The following CDH13 variants were observed in gnomAD, a reference collection of about 807,000 sequenced individuals.
The protein encoded by CDH13 is cadherin 13, also known as cadherin-13.
A neutral mutation model predicts 63.8 loss-of-function variants in CDH13; 24 were observed. That is an observed-to-expected ratio of 0.38 (90% CI 0.27 to 0.53). The LOEUF (loss-of-function observed/expected upper bound fraction) is 0.53. Ranked by LOEUF, CDH13 falls within the 20% of genes least tolerant of loss-of-function variation. CDH13 has a pLI of 0.85. For missense variants in CDH13, 1,049 were observed against 903.1 expected (o/e 1.16, Z -2.07); for synonymous variants, 503 against 355.3 (o/e 1.42, Z -4.67).
chr16:83,031,800 C>T lies in CDH13; in HGVS notation c.158-210C>T, dbSNP rs145170548. Among the ~76,000 whole-genome samples, 22 of 152,218 alleles carry T rather than the reference C, an allele frequency of 1.4e-4. No homozygotes were observed. The East Asian group carries it at 3.3e-3, about 23-fold the overall frequency. ...GAGCTTAGCACCTGCCTGGAACATG[C>T]GAGTTCGTCAAGGACATGTCTTGAT... On this transcript the variant is annotated intron_variant, in intron 2 of 13. Transcript: ENST00000567109.
chr16:82,788,323 C>T (rs1597583386), intron 1 of CDH13, among the ~76,000 whole-genome samples: 1 of 152,194 alleles, frequency 6.6e-6, no homozygotes, highest in Non-Finnish European at 1.5e-5. Context: ...ATTACATCTG[C>T]CTGTACCTCC....
At chr16:83,073,957 A>G (rs78873533) in intron 3 of CDH13, among the ~76,000 whole-genome samples, 2,980 of 152,262 alleles carry the variant, frequency 0.02, 102 homozygotes, top group African/African-American at 0.068. Flanking sequence ...TAGAATATCC[A>G]TCATCACAAT....
chr16:83,410,241 A>G (rs905749061), intron 6 of CDH13, among the ~76,000 whole-genome samples: 3 of 152,212 alleles, frequency 2.0e-5, no homozygotes, highest in East Asian at 1.9e-4. Flanking sequence ...ACAAGGTTCA[A>G]TGCTACCCAA....
At chr16:83,307,599 T>C (rs902559282) in intron 5 of CDH13, among the ~76,000 whole-genome samples, 1 of 152,244 alleles carries the variant, frequency 6.6e-6, no homozygotes, top group Non-Finnish European at 1.5e-5. Flanking sequence ...GGTTTCGTTA[T>C]GTTTGGTTAC....
chr16:83,014,866 A>G lies in CDH13; in HGVS notation c.158-17144A>G, dbSNP rs867061330. Among the ~76,000 whole-genome samples, 175 of 122,482 alleles carry G rather than the reference A, an allele frequency of 1.4e-3. 2 individuals carry two copies. In the Middle Eastern group the frequency reaches 0.017, roughly 12 times the overall value. The allele number at this position is 122,482 out of a possible 152,430, so 80.4% of individuals were successfully genotyped here. A position where few individuals can be genotyped will look rare whatever the true frequency, so the allele number is the denominator to read the frequency against. ...TGTATATATATATTTGTATATATAT[A>G]TGTATATATATATGTTTGTGTATAT... On this transcript the variant is annotated intron_variant, in intron 2 of 13. Coordinates refer to ENST00000567109, the MANE Select transcript of CDH13 (RefSeq NM_001257.5).
chr16:83,275,174 A>G (rs2088947808), intron 5 of CDH13, among the ~76,000 whole-genome samples: 1 of 152,236 alleles, frequency 6.6e-6, no homozygotes, highest in African/African-American at 2.4e-5. Context: ...AGTTTGCCCC[A>G]TAGAGCATTT....
intron 6 of CDH13, among the ~76,000 whole-genome samples, chr16:83,469,451 A>T (rs1472765400): frequency 6.6e-6 from 1 of 152,168 alleles, no homozygotes. Context: ...ATACAGGAAA[A>T]ACATATTGAG....
At chr16:82,696,068 C>G (rs2030251639) in intron 1 of CDH13, among the ~76,000 whole-genome samples, 2 of 152,184 alleles carry the variant, frequency 1.3e-5, no homozygotes, top group African/African-American at 4.8e-5. Context: ...TTTCTGTAAA[C>G]TAGATGTGCT....
rs16960289 is a variant in CDH13 at position 83,356,314 on chromosome 16, T to C, written c.781+11308T>C. Among the ~76,000 whole-genome samples, 569 of 151,702 alleles carry C rather than the reference T, an allele frequency of 3.8e-3. 6 individuals carry two copies. The highest frequency in any genetic ancestry group is 0.013 in the African/African-American group (544 of 41,394). ...CCACCAACCTTCCTTAGTCATTTTA[T>C]AGTAGCCCAGCTTGCCAGGTAACTC... On this transcript the variant is annotated intron_variant, in intron 6 of 13. Transcript: ENST00000567109.
At chr16:82,688,878 C>T (rs991471830) in intron 1 of CDH13, 3 of 152,148 alleles carry the variant, frequency 2.0e-5, no homozygotes, top group African/African-American at 7.2e-5. Context: ...GACCAATTTG[C>T]TTCTTGGAAA....
rs148430938 is a variant in CDH13, at chr16:83,462,519, A to G, written c.782-23958A>G. On this transcript the variant is annotated intron_variant, in intron 6 of 13. Transcript: ENST00000567109. ...GTAATCCCAGCACTTTGGGAGGCCA[A>G]CGCGAGCAGGAGTTTGAGGTCAGGA... Among the ~76,000 whole-genome samples, 776 of 152,340 alleles carry G rather than the reference A, an allele frequency of 5.1e-3. 12 individuals carry two copies. Among genetic ancestry groups the G allele is most frequent in the African/African-American group, 0.018 (733 of 41,574 alleles).
intron 4 of CDH13, among the ~76,000 whole-genome samples, chr16:83,208,508 C>G (rs952023144): frequency 1.3e-5 from 2 of 151,942 alleles, no homozygotes; most frequent in African/African-American, 4.8e-5. Flanking sequence ...TAGAAAACAT[C>G]TTCTAAATTA....
chr16:82,818,089 A>G (rs1318754347), intron 1 of CDH13, among the ~76,000 whole-genome samples: 1 of 149,588 alleles, frequency 6.7e-6, no homozygotes, highest in Non-Finnish European at 1.5e-5. Context: ...TTTATATATG[A>G]ATGTATTCAC....
At chr16:83,291,830 G>A (rs901821691) in intron 5 of CDH13, among the ~76,000 whole-genome samples, 5 of 152,070 alleles carry the variant, frequency 3.3e-5, no homozygotes, top group Non-Finnish European at 7.4e-5. Flanking sequence ...CATCTTGTAC[G>A]TTTGGTCTCT....
intron 2 of CDH13, among the ~76,000 whole-genome samples, chr16:82,938,722 AAGAAAGG>A (rs1261944216): frequency 6.6e-6 from 1 of 152,198 alleles, no homozygotes; most frequent in Admixed American, 6.5e-5. Flanking sequence ...GACAAGGAAA[AAGAAAGG>A]AGAGTCAACG....
At chr16:83,085,360 A>T (rs947079062) in intron 3 of CDH13, among the ~76,000 whole-genome samples, 4 of 152,142 alleles carry the variant, frequency 2.6e-5, no homozygotes, top group African/African-American at 9.7e-5. Flanking sequence ...AACACGTGGG[A>T]ATTCTGGGAG....
At chr16:83,395,017 G>A (rs1191255623) in intron 6 of CDH13, among the ~76,000 whole-genome samples, 4 of 151,994 alleles carry the variant, frequency 2.6e-5, no homozygotes, top group Admixed American at 6.5e-5. Flanking sequence ...GCATGGTGGT[G>A]GGCACCTGTA....
At chr16:83,331,817 A>G (rs777477688) in intron 5 of CDH13, among the ~76,000 whole-genome samples, 4 of 152,184 alleles carry the variant, frequency 2.6e-5, no homozygotes, top group Non-Finnish European at 4.4e-5. Context: ...GCAGTGTTGT[A>G]CTTTCTGCAG....
intron 1 of CDH13, among the ~76,000 whole-genome samples, chr16:82,791,682 A>G (rs1263632050): frequency 2.6e-5 from 4 of 152,066 alleles, no homozygotes; most frequent in Non-Finnish European, 5.9e-5. Flanking sequence ...TGTGCTCCTG[A>G]TCCAGCGAGG....
Sources: gnomAD v4.1 joint callset for allele counts (sites outside exome capture counted in the v4.1 genomes callset) on GRCh38, gnomAD v4.1.1 for gene constraint, MANE v1.5 for transcripts, NCBI Gene and HGNC (gene_info 2026-07-23, HGNC 2026-07-21) for gene names.